BDP1: variants seen among roughly 807,000 people sequenced by gnomAD.
The protein encoded by BDP1 is BDP1 general transcription factor IIIB subunit, also known as transcription factor TFIIIB component B'' homolog.
Under a neutral mutation model 266.6 loss-of-function variants are expected in BDP1, and 169 were observed. That is an observed-to-expected ratio of 0.63 (90% CI 0.56 to 0.72). The LOEUF is 0.72. Among genes scored for constraint, BDP1 ranks in the 30% least tolerant of loss-of-function variants. The pLI is 0.00. For synonymous variants in BDP1, 1,090 were observed against 1,022.4 expected, an observed-to-expected ratio of 1.07 and a Z score of -1.26; for missense variants, 3,015 against 3,053.8, an observed-to-expected ratio of 0.99 and a Z score of 0.30.
chr5:71,486,796 C>T (rs1001129373), intron 9 of BDP1, among the ~76,000 whole-genome samples, 169 bp downstream of exon 9: 1 of 152,252 alleles, frequency 6.6e-6, no homozygotes, highest in South Asian at 2.1e-4. Context: ...TGGTCCAAAA[C>T]AATAGCTTTC....
chr5:71,524,355 A>G, intron 25 of BDP1, 32 bp downstream of exon 25: 4 of 1,542,052 alleles, frequency 2.6e-6, no homozygotes, highest in East Asian at 2.3e-5. Flanking sequence ...TTGGTACTTT[A>G]TCTTACTTGG....
chr5:71,499,775 T>G (rs1233891404), intron 13 of BDP1, among the ~76,000 whole-genome samples: 1 of 152,230 alleles, frequency 6.6e-6, no homozygotes. Flanking sequence ...ATTGTTTCTA[T>G]TTTTGTTTGT....
chr5:71,463,888 G>A (rs527946568), intron 3 of BDP1, among the ~76,000 whole-genome samples, 170 bp from the exon 4 acceptor site: 2 of 151,774 alleles, frequency 1.3e-5, no homozygotes, highest in African/African-American at 4.8e-5. Context: ...TGTATGTGAT[G>A]ACAAGCTTTT....
intron 22 of BDP1, among the ~76,000 whole-genome samples, chr5:71,520,368 A>C (rs542460915): frequency 6.6e-6 from 1 of 152,276 alleles, no homozygotes; most frequent in South Asian, 2.1e-4. Flanking sequence ...AGGTTCCCTT[A>C]GCCATTTTTT....
In BDP1 at chr5:71,553,105, T is replaced by G; in HGVS notation, c.6996-11T>G. 1 of 1,598,602 alleles carries G rather than the reference T, an allele frequency of 6.3e-7. No homozygotes were observed. ...ATTCAGTAATTTAGTATGTATTTCT[T>G]TTCTATGCAGTATTTGTTTACCAGC... On this transcript the variant is annotated splice_polypyrimidine_tract_variant and intron_variant, in intron 34 of 38. Coordinates refer to ENST00000358731, the MANE Select transcript of BDP1 (RefSeq NM_018429.3).
Position 71,567,014 on chromosome 5 carries a change from G to A in BDP1, c.*2129G>A, listed in dbSNP as rs1450419217. ...ATTGTCTTTTAGTGAAATTTATGGC[G>A]TAACACTTTGTCAGAGAGGAGGCTA... On this transcript the variant is annotated 3_prime_UTR_variant, in exon 39 of 39. Coordinates refer to ENST00000358731, the MANE Select transcript of BDP1 (RefSeq NM_018429.3). 14 of 152,056 alleles carry A rather than the reference G, an allele frequency of 9.2e-5. No individual in the cohort carries two copies. The highest frequency in any genetic ancestry group is 1.3e-4 in the Non-Finnish European group (9 of 68,010). 9.4% of individuals were successfully genotyped at this position (152,056 alleles called of 1,614,324 possible).
Position 71,458,723 on chromosome 5 carries a change from T to C in BDP1, c.357T>C (p.Ser119=). 1 of 1,614,112 alleles carries C rather than the reference T, an allele frequency of 6.2e-7. No individual in the cohort carries two copies. The part of the protein sequence containing the change: ...VSVPSESHPL[S]TINQEAPQPT... ...TTCCTTCAGAATCTCATCCCTTATC[T>C]ACAATTAATCAAGAGGCTCCACAGC... Residue 119 remains serine (S), a synonymous_variant, in exon 2 of 39, where the codon TCT becomes TCC. Transcript: ENST00000358731.
chr5:71,527,983 T>C (rs1246328112), intron 25 of BDP1, among the ~76,000 whole-genome samples: 2 of 151,976 alleles, frequency 1.3e-5, no homozygotes, highest in South Asian at 2.1e-4. Context: ...CACACCCAGC[T>C]AATTTTTTTG....
intron 38 of BDP1, chr5:71,562,987 G>T (rs763274989): frequency 3.1e-6 from 3 of 954,030 alleles, no homozygotes; most frequent in Non-Finnish European, 4.1e-6. Context: ...GAGAAGGCTG[G>T]TGAGCATCTG....
At chr5:71,541,742 C>G in intron 29 of BDP1, 60 bp downstream of exon 29, 1 of 1,041,550 alleles carries the variant, frequency 9.6e-7, no homozygotes, top group Admixed American at 2.6e-5. Flanking sequence ...TAGTTAATAG[C>G]TTTGAGTAAT....
chr5:71,471,510 T>C (rs914319718), intron 7 of BDP1, among the ~76,000 whole-genome samples: 11 of 152,186 alleles, frequency 7.2e-5, no homozygotes, highest in African/African-American at 2.7e-4. Flanking sequence ...AGAAGAAATC[T>C]GAGTTTACAC....
chr5:71,527,907 C>T (rs1409134669), intron 25 of BDP1, among the ~76,000 whole-genome samples: 1 of 151,014 alleles, frequency 6.6e-6, no homozygotes, highest in Non-Finnish European at 1.5e-5. Context: ...TAACCTCCAT[C>T]TCCCAGGTTC....
At chr5:71,502,476 A>T in intron 14 of BDP1, 123 bp from the exon 15 acceptor site, 1 of 927,204 alleles carries the variant, frequency 1.1e-6, no homozygotes, top group Middle Eastern at 3.4e-4. Context: ...GCCCGGGCGG[A>T]TTATGTCTTT....
chr5:71,534,489 G>A (rs1230621983), intron 26 of BDP1, among the ~76,000 whole-genome samples: 2 of 145,786 alleles, frequency 1.4e-5, no homozygotes, highest in African/African-American at 4.9e-5. Flanking sequence ...CTGTTACTTT[G>A]TAGTAAGTTT....
chr5:71,510,592 A>C lies in BDP1; in HGVS notation c.3500A>C (p.Asp1167Ala). The C allele has an allele frequency of 6.2e-7, 1 of 1,612,598 alleles. No individual in the cohort carries two copies. The highest frequency in any genetic ancestry group is 1.1e-5 in the South Asian group (1 of 90,926). The change falls in exon 17 of 39, where the codon GAT (aspartate) becomes GCT (alanine). Residue 1167 changes from aspartate to alanine, a missense_variant. Physicochemically the swap from Asp to Ala is moderately radical, Grantham distance 126. This residue lies in a region of BDP1 where 2,383 missense variants were observed against 2,404.9 expected (regional missense o/e 0.99). Transcript: ENST00000358731. ...ENGPEEVKPVDEMETDLKTTG... is the reference protein window; with the variant it reads ...ENGPEEVKPVAEMETDLKTTG... Reference sequence around the variant, plus strand: ...GGCCCAGAGGAGGTCAAGCCTGTAGATGAAATGGAGACAGACTTGAAAACA... The same window carrying C: ...GGCCCAGAGGAGGTCAAGCCTGTAGCTGAAATGGAGACAGACTTGAAAACA...
At chr5:71,524,469 G>GTA in intron 25 of BDP1, 146 bp downstream of exon 25, 3 of 931,792 alleles carry the variant, frequency 3.2e-6, no homozygotes, top group Non-Finnish European at 4.6e-6. Context: ...ATATAATTTG[G>GTA]GGCCTTGTAT....
intron 25 of BDP1, among the ~76,000 whole-genome samples, chr5:71,529,528 A>G (rs79694496): frequency 0.017 from 2,634 of 152,288 alleles, 73 homozygotes; most frequent in African/African-American, 0.06. Flanking sequence ...CTGTCTCTAC[A>G]TTCAGTCAAT....
chr5:71,546,802 A>G (rs1204028605), intron 32 of BDP1, among the ~76,000 whole-genome samples: 1 of 151,908 alleles, frequency 6.6e-6, no homozygotes, highest in Admixed American at 6.6e-5. Context: ...TATGTAATAT[A>G]CAGTTTCATT....
intron 38 of BDP1, among the ~76,000 whole-genome samples, chr5:71,564,447 T>C (rs548943209): frequency 6.6e-6 from 1 of 152,270 alleles, no homozygotes; most frequent in East Asian, 1.9e-4. Context: ...ATGGGTACAC[T>C]GTAATTTACC....
Sources: allele counts gnomAD v4.1 joint callset (sites outside exome capture counted in the v4.1 genomes callset), GRCh38; gene constraint gnomAD v4.1.1; regional missense constraint gnomAD v4.1.1; transcripts MANE v1.5; gene names NCBI Gene and HGNC (gene_info 2026-07-23, HGNC 2026-07-21).